Variants in GABRB1 observed in about 807,000 individuals in gnomAD.
The protein encoded by GABRB1 is gamma-aminobutyric acid type A receptor subunit beta1, also known as gamma-aminobutyric acid receptor subunit beta-1.
In GABRB1, 17 loss-of-function variants were observed where a neutral mutation model predicts 51.6. The ratio of observed to expected loss-of-function variants is 0.33; its 90% CI spans 0.23 to 0.49. The LOEUF (loss-of-function observed/expected upper bound fraction) is 0.49. Ranked by LOEUF, GABRB1 falls within the 20% of genes least tolerant of loss-of-function variation. The pLI, the probability that GABRB1 is intolerant of heterozygous loss-of-function variation, is 0.99. For missense variants in GABRB1, 410 were observed against 600.6 expected (o/e 0.68, Z 3.32); for synonymous variants, 247 against 218.9 (o/e 1.13, Z -1.14).
At chr4:47,079,858 G>GA (rs1727746835) in intron 3 of GABRB1, among the ~76,000 whole-genome samples, 1 of 101,460 alleles carries the variant, frequency 9.9e-6, no homozygotes, top group African/African-American at 3.9e-5. Context: ...TGGGGTGGGG[G>GA]GAGGGGGGAG....
At chr4:47,040,033 G>A (rs1369512645) in intron 3 of GABRB1, among the ~76,000 whole-genome samples, 1 of 152,148 alleles carries the variant, frequency 6.6e-6, no homozygotes, top group Non-Finnish European at 1.5e-5. Context: ...GAAGTGCACT[G>A]CAGAGGAATA....
intron 1 of GABRB1, among the ~76,000 whole-genome samples, chr4:47,011,103 G>A (rs1724569816): frequency 6.6e-6 from 1 of 152,142 alleles, no homozygotes; most frequent in Non-Finnish European, 1.5e-5. Flanking sequence ...ACTAGTTGCA[G>A]TTTCAATGGT....
At chr4:47,388,127 GA>G (rs910395827) in intron 5 of GABRB1, among the ~76,000 whole-genome samples, 18 of 152,004 alleles carry the variant, frequency 1.2e-4, no homozygotes, top group African/African-American at 4.3e-4. Context: ...AATACATAAA[GA>G]ATATTACAAT....
At chr4:47,276,295 A>G (rs1285924637) in intron 4 of GABRB1, among the ~76,000 whole-genome samples, 1 of 152,142 alleles carries the variant, frequency 6.6e-6, no homozygotes, top group Non-Finnish European at 1.5e-5. Flanking sequence ...TGGTTGTCAT[A>G]ATATATTTAC....
chr4:47,405,660 T>A (rs763809593), intron 7 of GABRB1, among the ~76,000 whole-genome samples: 3 of 152,188 alleles, frequency 2.0e-5, no homozygotes, highest in Non-Finnish European at 4.4e-5. Flanking sequence ...CTCCCTATCA[T>A]TTTCAGGCTG....
intron 4 of GABRB1, among the ~76,000 whole-genome samples, chr4:47,246,367 T>C (rs1721756755): frequency 6.6e-5 from 3 of 45,622 alleles, no homozygotes; most frequent in African/African-American, 3.6e-4. Flanking sequence ...TATATATATA[T>C]ATATATATAT....
chr4:47,043,128 A>T (rs1577853606), intron 3 of GABRB1: 1 of 152,094 alleles, frequency 6.6e-6, no homozygotes, highest in Admixed American at 6.6e-5. Context: ...CAAGCCAACT[A>T]TTGAGAGGCC....
intron 3 of GABRB1, among the ~76,000 whole-genome samples, chr4:47,141,637 T>A (rs1716941186): frequency 2.0e-5 from 3 of 151,984 alleles, no homozygotes; most frequent in Admixed American, 1.3e-4. Flanking sequence ...CTTTTTTAAT[T>A]TTTCTGAAGC....
At chr4:47,150,120 A>G (rs1717359420) in intron 3 of GABRB1, among the ~76,000 whole-genome samples, 6 of 151,888 alleles carry the variant, frequency 4.0e-5, no homozygotes, top group Admixed American at 3.9e-4. Flanking sequence ...AGAACATGGC[A>G]TCGTACAAAG....
intron 3 of GABRB1, among the ~76,000 whole-genome samples, chr4:47,065,263 T>A (rs915533139): frequency 5.3e-5 from 8 of 152,220 alleles, no homozygotes. Flanking sequence ...CCCTTCTTAA[T>A]AAAAACAATG....
chr4:47,216,936 T>C (rs2109818022), intron 4 of GABRB1, among the ~76,000 whole-genome samples: 1 of 151,876 alleles, frequency 6.6e-6, no homozygotes, highest in Middle Eastern at 3.4e-3. Flanking sequence ...TGAAGAAAAT[T>C]TGCAAATAAC....
chr4:47,247,229 C>T (rs1237024457), intron 4 of GABRB1, among the ~76,000 whole-genome samples: 1 of 152,046 alleles, frequency 6.6e-6, no homozygotes, highest in Admixed American at 6.6e-5. Context: ...TTACATTCTC[C>T]TACATGTGAC....
chr4:47,203,387 T>C (rs1487610328), intron 4 of GABRB1, among the ~76,000 whole-genome samples: 8 of 51,470 alleles, frequency 1.6e-4, no homozygotes, highest in African/African-American at 2.1e-4. Flanking sequence ...TACCTAAATA[T>C]GACTTATCAG....
At chr4:47,105,594 C>T (rs929434801) in intron 3 of GABRB1, among the ~76,000 whole-genome samples, 3 of 152,120 alleles carry the variant, frequency 2.0e-5, no homozygotes, top group African/African-American at 7.2e-5. Context: ...TTCCCTTTCT[C>T]CTGCCTCAGT....
intron 4 of GABRB1, among the ~76,000 whole-genome samples, chr4:47,232,777 T>C (rs776568021): frequency 1.3e-5 from 2 of 152,114 alleles, no homozygotes; most frequent in Non-Finnish European, 2.9e-5. Flanking sequence ...CAAAAGGTCA[T>C]CAAATTCTTC....
intron 3 of GABRB1, among the ~76,000 whole-genome samples, chr4:47,122,840 T>G (rs888107923): frequency 2.6e-5 from 4 of 152,184 alleles, no homozygotes; most frequent in Non-Finnish European, 5.9e-5. Flanking sequence ...TACTTTCTTC[T>G]TCCCCTAGCC....
chr4:47,208,721 T>A (rs1720236023), intron 4 of GABRB1, among the ~76,000 whole-genome samples: 1 of 152,100 alleles, frequency 6.6e-6, no homozygotes, highest in African/African-American at 2.4e-5. Context: ...TTGCTGACAC[T>A]ATCGTAGTCC....
At chr4:47,198,469 C>G (rs1007251021) in intron 4 of GABRB1, among the ~76,000 whole-genome samples, 1 of 152,114 alleles carries the variant, frequency 6.6e-6, no homozygotes, top group Admixed American at 6.6e-5. Flanking sequence ...CTGATGAGGG[C>G]TCAGAAGGAT....
intron 1 of GABRB1, among the ~76,000 whole-genome samples, chr4:47,001,906 A>G (rs1446999828): frequency 1.3e-5 from 2 of 152,252 alleles, no homozygotes; most frequent in South Asian, 2.1e-4. Context: ...ATGCCATTAA[A>G]TTGTTCCAAA....
Sources: gnomAD v4.1 joint callset for allele counts (sites outside exome capture counted in the v4.1 genomes callset) on GRCh38, gnomAD v4.1.1 for gene constraint, MANE v1.5 for transcripts, NCBI Gene and HGNC (gene_info 2026-07-23, HGNC 2026-07-21) for gene names.